Variants in LRP1B observed in about 807,000 individuals in gnomAD.
LRP1B encodes the protein low-density lipoprotein receptor-related protein 1B.
In LRP1B, 217 loss-of-function variants were observed where a neutral mutation model predicts 556.6. The observed-to-expected ratio is 0.39, with a 90% confidence interval of 0.35 to 0.44. The LOEUF is 0.44. Ranked by LOEUF, LRP1B falls within the 20% of genes least tolerant of loss-of-function variation. The pLI is 1.00. For synonymous variants in LRP1B, 2,047 were observed against 1,865.8 expected, an observed-to-expected ratio of 1.10 and a Z score of -2.50; for missense variants, 5,053 against 5,620.8, an observed-to-expected ratio of 0.90 and a Z score of 3.23.
At chr2:141,677,093 A>T (rs1690912972) in intron 2 of LRP1B, among the ~76,000 whole-genome samples, 1 of 152,194 alleles carries the variant, frequency 6.6e-6, no homozygotes, top group Non-Finnish European at 1.5e-5. Context: ...TAGACTATTT[A>T]GTCCCGGCTG....
At chr2:141,951,455 A>G (rs1271229055) in intron 1 of LRP1B, among the ~76,000 whole-genome samples, 1 of 152,188 alleles carries the variant, frequency 6.6e-6, no homozygotes, top group Admixed American at 6.6e-5. Context: ...TTCCATTCCT[A>G]TAATCACACT....
chr2:141,409,991 A>G, intron 3 of LRP1B, among the ~76,000 whole-genome samples: 1 of 152,056 alleles, frequency 6.6e-6, no homozygotes, highest in Admixed American at 6.5e-5. Context: ...ATGTAGAAAA[A>G]GAAAAGGTAG....
intron 1 of LRP1B, among the ~76,000 whole-genome samples, chr2:141,892,210 G>T (rs1018967006): frequency 6.6e-6 from 1 of 151,676 alleles, no homozygotes; most frequent in Non-Finnish European, 1.5e-5. Flanking sequence ...AAGAAGCCAA[G>T]AAAAAAAATA....
chr2:140,854,909 T>C (rs958557498), intron 27 of LRP1B, among the ~76,000 whole-genome samples: 2 of 152,176 alleles, frequency 1.3e-5, no homozygotes, highest in Non-Finnish European at 2.9e-5. Context: ...CATGTATTTG[T>C]ATTCAAAAGA....
intron 61 of LRP1B, among the ~76,000 whole-genome samples, 177 bp downstream of exon 61, chr2:140,457,286 A>G (rs1687142452): frequency 6.6e-6 from 1 of 152,204 alleles, no homozygotes; most frequent in Non-Finnish European, 1.5e-5. Context: ...GCTTCTAATC[A>G]TATGCCTTAA....
intron 1 of LRP1B, among the ~76,000 whole-genome samples, chr2:142,065,602 C>T (rs775758280): frequency 1.3e-5 from 2 of 151,316 alleles, no homozygotes; most frequent in Non-Finnish European, 3.0e-5. Context: ...CACCTTAATT[C>T]CCCTTTGTCA....
At chr2:140,603,939 G>A (rs966357756) in intron 41 of LRP1B, among the ~76,000 whole-genome samples, 1 of 152,054 alleles carries the variant, frequency 6.6e-6, no homozygotes, top group Non-Finnish European at 1.5e-5. Context: ...GACAGTGAGA[G>A]GGCATGTGGC....
Position 140,652,212 on chromosome 2 carries a change from AC to A in LRP1B, c.6799+48037del, listed in dbSNP as rs1419818321. Among the ~76,000 whole-genome samples, 4 of 151,224 alleles carry A rather than the reference AC, an allele frequency of 2.6e-5. No individual in the cohort carries two copies. In the East Asian group the frequency reaches 7.7e-4, roughly 29 times the overall value. ...TCTATAATTGATACAGTGAAAAAAA[AC>A]AGTTGTCATTTTCAAATATTGAATT... is the stretch of plus-strand genomic sequence containing the variant. On this transcript the variant is annotated intron_variant, in intron 41 of 90. Transcript: ENST00000389484.
In LRP1B at chr2:140,364,658, T is replaced by C; in HGVS notation, c.11131+3A>G. On this transcript the variant is annotated splice_donor_region_variant and intron_variant, in intron 72 of 90. Coordinates refer to ENST00000389484, the MANE Select transcript of LRP1B (RefSeq NM_018557.3). Reference sequence around the variant, plus strand: ...TAATCTAGAGCCACGTGAAATGCCATACCACACATATCAGGGGCTTCATCA... The same window carrying C: ...TAATCTAGAGCCACGTGAAATGCCACACCACACATATCAGGGGCTTCATCA... The C allele has an allele frequency of 6.2e-7, 1 of 1,609,176 alleles. No homozygotes were observed. The highest frequency in any genetic ancestry group is 8.5e-7 in the Non-Finnish European group (1 of 1,177,018).
intron 59 of LRP1B, among the ~76,000 whole-genome samples, chr2:140,483,092 C>T (rs943980873): frequency 3.3e-5 from 5 of 152,076 alleles, no homozygotes; most frequent in South Asian, 2.1e-4. Context: ...CAAAAAGGTG[C>T]CATTAAATTT....
At chr2:141,589,480 T>G (rs931273719) in intron 2 of LRP1B, among the ~76,000 whole-genome samples, 1 of 152,180 alleles carries the variant, frequency 6.6e-6, no homozygotes, top group Non-Finnish European at 1.5e-5. Flanking sequence ...TCGACTTTCT[T>G]GCTGACACAT....
intron 58 of LRP1B, among the ~76,000 whole-genome samples, chr2:140,487,372 G>A (rs1214679611): frequency 2.6e-5 from 4 of 151,736 alleles, no homozygotes; most frequent in African/African-American, 4.8e-5. Context: ...TGTGAATAAG[G>A]TTCCATATTT....
rs138623850 is a variant in LRP1B at position 140,895,561 on chromosome 2, G to A, written c.3766+7359C>T. Among the ~76,000 whole-genome samples the A allele has an allele frequency of 6.5e-4, 99 of 152,268 alleles. 1 individual carries two copies. The East Asian group carries it at 0.013, about 20-fold the overall frequency. On this transcript the variant is annotated intron_variant, in intron 23 of 90. Coordinates refer to ENST00000389484, the MANE Select transcript of LRP1B (RefSeq NM_018557.3). ...CTAGAGCCTCAGAAGGCATGTTACC[G>A]TGCGCTCTTTTACTTTGCTGTCCCT... is the stretch of plus-strand genomic sequence containing the variant.
chr2:140,631,201 C>T (rs1418390836), intron 41 of LRP1B, among the ~76,000 whole-genome samples: 2 of 152,116 alleles, frequency 1.3e-5, no homozygotes, highest in Non-Finnish European at 2.9e-5. Flanking sequence ...ACCACACACA[C>T]ACTAAAGGTC....
intron 3 of LRP1B, among the ~76,000 whole-genome samples, chr2:141,351,913 C>A (rs917846892): frequency 6.6e-6 from 1 of 151,736 alleles, no homozygotes; most frequent in African/African-American, 2.4e-5. Context: ...GAGAAAGGAT[C>A]ACAGATGGAG....
intron 1 of LRP1B, among the ~76,000 whole-genome samples, chr2:142,058,117 C>A (rs947836615): frequency 6.6e-6 from 1 of 152,116 alleles, no homozygotes; most frequent in African/African-American, 2.4e-5. Flanking sequence ...CTGTTATTAA[C>A]GTATAGAAAT....
intron 30 of LRP1B, among the ~76,000 whole-genome samples, 185 bp from the exon 31 acceptor site, chr2:140,840,270 A>G (rs1692059454): frequency 6.6e-6 from 1 of 152,204 alleles, no homozygotes; most frequent in Non-Finnish European, 1.5e-5. Context: ...CTGAAAAGAA[A>G]GCACCACTCT....
intron 3 of LRP1B, among the ~76,000 whole-genome samples, chr2:141,423,093 G>A (rs1680202087): frequency 6.6e-6 from 1 of 151,968 alleles, no homozygotes; most frequent in African/African-American, 2.4e-5. Context: ...GAGGAGAAGA[G>A]GTATGTTTTA....
In LRP1B at chr2:140,598,948, A is replaced by G. The variant is rs976780248; in HGVS notation, c.6990-113T>C. Reference sequence around the variant, plus strand: ...TAAAAGAAGCAGAATTATTTACCTCATATTCTATCTTTAACAAAGTCTAGG... The same window carrying G: ...TAAAAGAAGCAGAATTATTTACCTCGTATTCTATCTTTAACAAAGTCTAGG... On this transcript the variant is annotated intron_variant, in intron 42 of 90. Transcript: ENST00000389484. 4 of 679,882 alleles carry G rather than the reference A, an allele frequency of 5.9e-6. No individual in the cohort carries two copies. The African/African-American group carries it at 7.2e-5, about 12-fold the overall frequency. 42.1% of individuals were successfully genotyped at this position (679,882 alleles called of 1,614,324 possible).
Sources: gnomAD v4.1 joint callset for allele counts (sites outside exome capture counted in the v4.1 genomes callset) on GRCh38, gnomAD v4.1.1 for gene constraint, MANE v1.5 for transcripts, NCBI Gene and HGNC (gene_info 2026-07-23, HGNC 2026-07-21) for gene names.